GPD2: variants seen among roughly 807,000 people sequenced by gnomAD.
The protein encoded by GPD2 is glycerol-3-phosphate dehydrogenase 2, also known as glycerol-3-phosphate dehydrogenase, mitochondrial.
GPD2 carries 54 observed loss-of-function variants against 82.4 expected under a neutral mutation model. That is an observed-to-expected ratio of 0.66 (90% CI 0.53 to 0.82). The LOEUF (loss-of-function observed/expected upper bound fraction) is 0.82, where lower values mean the gene tolerates loss of function less well. Among genes scored for constraint, GPD2 ranks in the 40% least tolerant of loss-of-function variants. The pLI is 0.00. For synonymous variants in GPD2, 288 were observed against 306.1 expected (o/e 0.94, Z 0.62); for missense variants, 748 against 896.2 (o/e 0.83, Z 2.11).
At chr2:156,539,949 C>CT (rs5835624) in intron 6 of GPD2, among the ~76,000 whole-genome samples, 106,703 of 151,992 alleles carry the variant, frequency 0.7, 37,622 homozygotes, top group Middle Eastern at 0.82. Context: ...TCAAGTTCCA[C>CT]TTGTGGCTCG....
chr2:156,443,224 C>A lies in GPD2; in HGVS notation c.-9+6711C>A, dbSNP rs190351753. On this transcript the variant is annotated intron_variant, in intron 1 of 16. Coordinates refer to ENST00000438166, the MANE Select transcript of GPD2 (RefSeq NM_000408.5). ...CTTGTATATTTTCTAAACCCTTTAG[C>A]TACTCTTTTTATGCTACTCATAATT... 3.3e-3 allele frequency among the ~76,000 whole-genome samples: 497 copies of A among 152,322 alleles called. 10 individuals carry two copies. Among genetic ancestry groups the A allele is most frequent in the African/African-American group, 0.011 (478 of 41,570 alleles).
chr2:156,497,054 T>C (rs1684411146), intron 3 of GPD2, among the ~76,000 whole-genome samples: 1 of 152,212 alleles, frequency 6.6e-6, no homozygotes, highest in Non-Finnish European at 1.5e-5. Flanking sequence ...GGATATGTTG[T>C]GTTTAATAAA....
intron 4 of GPD2, among the ~76,000 whole-genome samples, chr2:156,511,678 T>C (rs1389430578): frequency 1.3e-5 from 2 of 152,228 alleles, no homozygotes; most frequent in African/African-American, 2.4e-5. Flanking sequence ...TCAAAATCTA[T>C]GAGTCTGTTA....
At chr2:156,549,901 G>A (rs775244863) in intron 7 of GPD2, 129 bp downstream of exon 7, 26 of 802,008 alleles carry the variant, frequency 3.2e-5, no homozygotes, top group Non-Finnish European at 4.6e-5. Context: ...AATTATATTC[G>A]TTATTGTCAG....
chr2:156,499,955 T>C (rs1251517338), intron 3 of GPD2, among the ~76,000 whole-genome samples: 1 of 152,070 alleles, frequency 6.6e-6, no homozygotes, highest in Non-Finnish European at 1.5e-5. Context: ...ATAAACTTTT[T>C]CTTCTGGCAG....
At chr2:156,510,629 A>G (rs940606786) in intron 3 of GPD2, among the ~76,000 whole-genome samples, 167 bp from the exon 4 acceptor site, 1 of 152,232 alleles carries the variant, frequency 6.6e-6, no homozygotes, top group Non-Finnish European at 1.5e-5. Flanking sequence ...GGAAGAGCCT[A>G]AAATCTCTTC....
chr2:156,483,121 C>CA (rs757197621), intron 2 of GPD2, among the ~76,000 whole-genome samples: 2,718 of 136,084 alleles, frequency 0.02, 32 homozygotes, highest in Admixed American at 0.03. Flanking sequence ...AAGCAAAAAA[C>CA]AAAAAAAAAA....
chr2:156,445,689 G>A (rs1398474411), intron 1 of GPD2, among the ~76,000 whole-genome samples: 1 of 152,186 alleles, frequency 6.6e-6, no homozygotes, highest in Non-Finnish European at 1.5e-5. Flanking sequence ...ATGTGTATTG[G>A]AGATGTATAA....
chr2:156,556,339 T>C (rs972666461), intron 8 of GPD2, among the ~76,000 whole-genome samples: 1 of 152,212 alleles, frequency 6.6e-6, no homozygotes, highest in Non-Finnish European at 1.5e-5. Context: ...TCCAGTCAAA[T>C]AGAAGCAGCT....
At chr2:156,503,825 G>C (rs1314597872) in intron 3 of GPD2, among the ~76,000 whole-genome samples, 1 of 152,114 alleles carries the variant, frequency 6.6e-6, no homozygotes, top group East Asian at 1.9e-4. Flanking sequence ...GAGGCCATTA[G>C]TATAGTTTTT....
intron 6 of GPD2, among the ~76,000 whole-genome samples, chr2:156,515,482 T>C (rs1214316763): frequency 6.6e-6 from 1 of 151,934 alleles, no homozygotes; most frequent in Admixed American, 6.5e-5. Flanking sequence ...TAGATTCTTA[T>C]TTGGAATTGT....
At chr2:156,450,049 G>C (rs1326009079) in intron 1 of GPD2, among the ~76,000 whole-genome samples, 1 of 151,878 alleles carries the variant, frequency 6.6e-6, no homozygotes, top group African/African-American at 2.4e-5. Flanking sequence ...ATAGATTCAG[G>C]ATATATTTTT....
intron 13 of GPD2, among the ~76,000 whole-genome samples, chr2:156,572,667 G>A (rs532617830): frequency 1.1e-3 from 163 of 152,246 alleles, no homozygotes; most frequent in African/African-American, 3.8e-3. Context: ...CAGTCCAAAG[G>A]CCAAGCACTG....
At chr2:156,557,812 C>G (rs1687019906) in intron 9 of GPD2, among the ~76,000 whole-genome samples, 1 of 152,098 alleles carries the variant, frequency 6.6e-6, no homozygotes, top group African/African-American at 2.4e-5. Context: ...TCTGATAATT[C>G]CTAATGGCAA....
rs148662314 is a variant in GPD2, at chr2:156,505,688, T to C, written c.275-5108T>C. On this transcript the variant is annotated intron_variant, in intron 3 of 16. Coordinates refer to ENST00000438166, the MANE Select transcript of GPD2 (RefSeq NM_000408.5). ...TCTCTCCCCAGCCTCCTCAAATCCATAGTAAGGAGTAGTTTCTTGAATCCT... is the reference window on the plus strand; with the variant it reads ...TCTCTCCCCAGCCTCCTCAAATCCACAGTAAGGAGTAGTTTCTTGAATCCT... Among the ~76,000 whole-genome samples the C allele has an allele frequency of 8.0e-3, 1,217 of 152,266 alleles. 4 individuals are homozygous for C. Among genetic ancestry groups the C allele is most frequent in the Non-Finnish European group, 0.012 (794 of 68,002 alleles).
chr2:156,518,330 A>G (rs527242092), intron 6 of GPD2, among the ~76,000 whole-genome samples: 1 of 152,328 alleles, frequency 6.6e-6, no homozygotes, highest in East Asian at 1.9e-4. Context: ...GCAGGATATA[A>G]TGATCCAAAA....
the GPD2 span, among the ~76,000 whole-genome samples, chr2:156,404,489 G>A: frequency 6.6e-6 from 1 of 151,934 alleles, no homozygotes; most frequent in Admixed American, 6.6e-5. Context: ...CCCCAAACAT[G>A]GTAAACTTAG....
At chr2:156,566,823 G>T (rs1687409423) in intron 9 of GPD2, among the ~76,000 whole-genome samples, 1 of 152,088 alleles carries the variant, frequency 6.6e-6, no homozygotes, top group Admixed American at 6.6e-5. Context: ...CTAACCAGCA[G>T]TGTACAGGGG....
chr2:156,546,199 G>A (rs1686526079), intron 6 of GPD2, among the ~76,000 whole-genome samples: 1 of 152,182 alleles, frequency 6.6e-6, no homozygotes. Context: ...TTGTGTAAGT[G>A]CCAATGTAAA....
Sources: gnomAD v4.1 joint callset for allele counts (sites outside exome capture counted in the v4.1 genomes callset) on GRCh38, gnomAD v4.1.1 for gene constraint, MANE v1.5 for transcripts, NCBI Gene and HGNC (gene_info 2026-07-23, HGNC 2026-07-21) for gene names.